TMEFF1: variants seen among roughly 807,000 people sequenced by gnomAD.
TMEFF1 encodes the protein transmembrane protein with EGF like and two follistatin like domains 1.
Under a neutral mutation model 47.5 loss-of-function variants are expected in TMEFF1, and 20 were observed. The observed-to-expected ratio is 0.42, with a 90% CI of 0.30 to 0.61. The LOEUF is 0.61. TMEFF1 is among the 20% of genes least tolerant of loss of function. TMEFF1 has a pLI of 0.19. For synonymous variants in TMEFF1, 162 were observed against 166.3 expected (o/e 0.97, Z 0.20); for missense variants, 411 against 471.1 (o/e 0.87, Z 1.18).
intron 5 of TMEFF1, among the ~76,000 whole-genome samples, chr9:100,531,856 G>A (rs1838386627): frequency 6.6e-6 from 1 of 152,092 alleles, no homozygotes; most frequent in East Asian, 1.9e-4. Flanking sequence ...CAAGGCTACA[G>A]TAACCAAAAC....
chr9:100,573,373 AT>A (rs1356691782), intron 9 of TMEFF1, among the ~76,000 whole-genome samples: 3 of 152,182 alleles, frequency 2.0e-5, no homozygotes, highest in Admixed American at 1.3e-4. Context: ...TATAAATAAA[AT>A]TATTCGTCAT....
intron 1 of TMEFF1, among the ~76,000 whole-genome samples, chr9:100,498,339 T>G (rs1021690303): frequency 6.6e-6 from 1 of 152,184 alleles, no homozygotes; most frequent in Non-Finnish European, 1.5e-5. Flanking sequence ...ACCAAAATAA[T>G]TAAGATAATT....
intron 2 of TMEFF1, among the ~76,000 whole-genome samples, chr9:100,507,656 G>A (rs1210760945): frequency 6.6e-6 from 1 of 152,096 alleles, no homozygotes; most frequent in Non-Finnish European, 1.5e-5. Context: ...CTTCTTTTGA[G>A]AAGTGTCTGT....
intron 1 of TMEFF1, among the ~76,000 whole-genome samples, chr9:100,488,658 G>A (rs548419960): frequency 6.6e-6 from 1 of 151,880 alleles, no homozygotes; most frequent in African/African-American, 2.4e-5. Flanking sequence ...TTAATCCTCC[G>A]TCAGAATTTT....
intron 1 of TMEFF1, among the ~76,000 whole-genome samples, chr9:100,474,033 C>A (rs1234393555): frequency 6.6e-6 from 1 of 151,446 alleles, no homozygotes; most frequent in African/African-American, 2.4e-5. Flanking sequence ...GCTGAGCGGC[C>A]GGCCGGGGCT....
At chr9:100,571,007 C>A (rs1839228745) in intron 8 of TMEFF1, among the ~76,000 whole-genome samples, 1 of 152,134 alleles carries the variant, frequency 6.6e-6, no homozygotes, top group African/African-American at 2.4e-5. Flanking sequence ...TCAGCTGATG[C>A]AGTTGTCTTT....
chr9:100,521,841 A>G (rs1324688118), intron 5 of TMEFF1, among the ~76,000 whole-genome samples: 2 of 152,150 alleles, frequency 1.3e-5, no homozygotes, highest in African/African-American at 4.8e-5. Context: ...TGCCTTTTTT[A>G]TGTCAGTCTC....
Position 100,486,390 on chromosome 9 carries a change from G to A in TMEFF1, c.197-12375G>A, listed in dbSNP as rs767979758. ...CCTGAGTAGCTGGGATTACCGGCGC[G>A]TGCCACCATGCCCAGCTAATTTTGT... On this transcript the variant is annotated intron_variant, in intron 1 of 9. Transcript: ENST00000374879. Among the ~76,000 whole-genome samples the A allele has an allele frequency of 2.8e-4, 43 of 151,948 alleles. 1 individual carries two copies. The highest frequency in any genetic ancestry group is 5.9e-4 in the Admixed American group (9 of 15,250).
intron 5 of TMEFF1, among the ~76,000 whole-genome samples, chr9:100,530,235 A>C (rs867057861): frequency 6.6e-6 from 1 of 152,128 alleles, no homozygotes; most frequent in Non-Finnish European, 1.5e-5. Context: ...GCAAGAAATA[A>C]CTAAAATCAG....
chr9:100,490,032 G>A (rs576473691), intron 1 of TMEFF1, among the ~76,000 whole-genome samples: 29 of 151,988 alleles, frequency 1.9e-4, no homozygotes, highest in Non-Finnish European at 4.1e-4. Context: ...AGTAGGCAGC[G>A]GGGGAAGATT....
At chr9:100,518,897 C>T (rs748652589) in intron 5 of TMEFF1, among the ~76,000 whole-genome samples, 3 of 151,734 alleles carry the variant, frequency 2.0e-5, no homozygotes, top group African/African-American at 4.8e-5. Context: ...CCAGCTGGGC[C>T]GTTTAGGTCT....
intron 5 of TMEFF1, among the ~76,000 whole-genome samples, chr9:100,538,129 T>C (rs1479658377): frequency 6.6e-6 from 1 of 152,134 alleles, no homozygotes; most frequent in Non-Finnish European, 1.5e-5. Context: ...ATCAGTTCAC[T>C]GCAACCTCCG....
At chr9:100,486,311 C>T (rs1256396879) in intron 1 of TMEFF1, among the ~76,000 whole-genome samples, 6 of 152,156 alleles carry the variant, frequency 3.9e-5, no homozygotes, top group East Asian at 1.9e-4. Flanking sequence ...GACGTGATCT[C>T]GGCTTACTGC....
At chr9:100,570,730 TG>T (rs1440369815) in intron 8 of TMEFF1, among the ~76,000 whole-genome samples, 1 of 152,074 alleles carries the variant, frequency 6.6e-6, no homozygotes, top group Non-Finnish European at 1.5e-5. Flanking sequence ...GGGACTGGAT[TG>T]GTAGACTTGC....
At chr9:100,532,536 A>G (rs1302958945) in intron 5 of TMEFF1, among the ~76,000 whole-genome samples, 20 of 152,134 alleles carry the variant, frequency 1.3e-4, no homozygotes, top group African/African-American at 4.6e-4. Context: ...AACCACAATG[A>G]GATACCATCT....
intron 5 of TMEFF1, among the ~76,000 whole-genome samples, chr9:100,524,389 G>C (rs574251144): frequency 6.6e-6 from 1 of 152,352 alleles, no homozygotes; most frequent in South Asian, 2.1e-4. Flanking sequence ...TGCCCACTTA[G>C]AGAGGAAGGC....
rs148668036 is a variant in TMEFF1 at position 100,477,393 on chromosome 9, T to C, written c.196+3653T>C. Among the ~76,000 whole-genome samples the C allele has an allele frequency of 1.2e-3, 185 of 152,304 alleles. 2 individuals carry two copies. In the East Asian group the frequency reaches 0.032, roughly 26 times the overall value. On this transcript the variant is annotated intron_variant, in intron 1 of 9. Transcript: ENST00000374879. ...CTATTATTTAAAAGATTCTTTCAGA[T>C]TGTCTTGTTAGATTGTTATGTGTAT...
At chr9:100,545,917 G>T (rs192593720) in intron 5 of TMEFF1, among the ~76,000 whole-genome samples, 1 of 152,236 alleles carries the variant, frequency 6.6e-6, no homozygotes, top group Non-Finnish European at 1.5e-5. Context: ...TTCCCAACAG[G>T]TTCCTCATTT....
intron 5 of TMEFF1, among the ~76,000 whole-genome samples, chr9:100,519,623 A>G (rs1179434003): frequency 3.2e-5 from 3 of 92,734 alleles, no homozygotes; most frequent in South Asian, 6.7e-4. Flanking sequence ...TCTTTTTCCT[A>G]CTTTGAGGAC....
Sources: allele counts gnomAD v4.1 joint callset (sites outside exome capture counted in the v4.1 genomes callset), GRCh38; gene constraint gnomAD v4.1.1; transcripts MANE v1.5; gene names NCBI Gene and HGNC (gene_info 2026-07-23, HGNC 2026-07-21).